SCARB1: variants seen among roughly 807,000 people sequenced by gnomAD.
SCARB1 encodes the protein scavenger receptor class B member 1.
Under a neutral mutation model 57.2 loss-of-function variants are expected in SCARB1, and 30 were observed. The observed-to-expected ratio is 0.52, with a 90% CI of 0.39 to 0.71. The LOEUF (loss-of-function observed/expected upper bound fraction) is 0.71, where lower values mean the gene tolerates loss of function less well. Ranked by LOEUF, SCARB1 falls within the 30% of genes least tolerant of loss-of-function variation. SCARB1 has a pLI of 0.00. For synonymous variants in SCARB1, 249 were observed against 268.3 expected (o/e 0.93, Z 0.70); for missense variants, 543 against 671.2 (o/e 0.81, Z 2.11).
intron 9 of SCARB1, among the ~76,000 whole-genome samples, chr12:124,792,458 C>T (rs982922959): frequency 6.6e-6 from 1 of 151,944 alleles, no homozygotes; most frequent in Non-Finnish European, 1.5e-5. Flanking sequence ...TTAGGCCCAG[C>T]GCAGGGCTCA....
chr12:124,853,199 G>A (rs1023209787), intron 1 of SCARB1, among the ~76,000 whole-genome samples: 27 of 152,124 alleles, frequency 1.8e-4, no homozygotes, highest in African/African-American at 6.3e-4. Flanking sequence ...AGAAAGAAAA[G>A]CACTTCCAAA....
In SCARB1 at chr12:124,789,872, G is replaced by T. The variant is rs892959592; in HGVS notation, c.1203-2415C>A. Among the ~76,000 whole-genome samples the T allele has an allele frequency of 6.6e-6, 1 of 152,016 alleles. No homozygotes were observed. The highest frequency in any genetic ancestry group is 1.5e-5 in the Non-Finnish European group (1 of 68,014). ...CTAAAAATATAAAAATTGGCCGGACGTGGTGGCACATGCCTGTAATCCCAG... is the reference window on the plus strand; with the variant it reads ...CTAAAAATATAAAAATTGGCCGGACTTGGTGGCACATGCCTGTAATCCCAG... On this transcript the variant is annotated intron_variant, in intron 9 of 12. Transcript: ENST00000261693. The surrounding 1 kb of genome is among the most constrained non-coding windows in gnomAD (Gnocchi z 4.4).
chr12:124,847,788 A>G (rs1344440400), intron 1 of SCARB1, among the ~76,000 whole-genome samples: 1 of 152,148 alleles, frequency 6.6e-6, no homozygotes, highest in East Asian at 1.9e-4. Flanking sequence ...CCAGGCTGGG[A>G]GCTGGGGGAG....
At chr12:124,863,096 G>T (rs1347251432) in intron 1 of SCARB1, among the ~76,000 whole-genome samples, 1 of 152,242 alleles carries the variant, frequency 6.6e-6, no homozygotes, top group African/African-American at 2.4e-5. Flanking sequence ...CACCTACCAT[G>T]TGAGCTGGGC....
intron 1 of SCARB1, among the ~76,000 whole-genome samples, chr12:124,831,485 G>T (rs11057839): frequency 0.2 from 30,622 of 152,014 alleles, 3,795 homozygotes; most frequent in African/African-American, 0.35. Context: ...AAGTGGTGTC[G>T]CTAATAAGAG....
In SCARB1 at chr12:124,844,884, C is replaced by A. The variant is rs535536272; in HGVS notation, c.126+18711G>T. On this transcript the variant is annotated intron_variant, in intron 1 of 12. Coordinates refer to ENST00000261693, the MANE Select transcript of SCARB1 (RefSeq NM_005505.5). ...AGACTGGAGTGCAGTGGCACGATCT[C>A]GGCTCACTGCAACCTCTGCCTCCCA... is the stretch of plus-strand genomic sequence containing the variant. 6.0e-5 allele frequency among the ~76,000 whole-genome samples: 9 copies of A among 150,254 alleles called. No homozygotes were observed. In the East Asian group the frequency reaches 1.8e-3, roughly 29 times the overall value.
At chr12:124,819,463 G>A (rs1950866565) in intron 1 of SCARB1, among the ~76,000 whole-genome samples, 1 of 152,232 alleles carries the variant, frequency 6.6e-6, no homozygotes, top group Non-Finnish European at 1.5e-5. Flanking sequence ...AAACACGCCT[G>A]GGGTCCACTT....
chr12:124,810,352 A>G lies in SCARB1; in HGVS notation c.727-63T>C. Reference sequence around the variant, plus strand: ...CCAAGGCCCCTTAATAAGCCCTCTCAGGTGCTGCACACCTAACTCACCCTG... The same window carrying G: ...CCAAGGCCCCTTAATAAGCCCTCTCGGGTGCTGCACACCTAACTCACCCTG... On this transcript the variant is annotated intron_variant, in intron 5 of 12. Transcript: ENST00000261693. The surrounding 1 kb of genome is among the most constrained non-coding windows in gnomAD (Gnocchi z 4.0). 1.7e-6 allele frequency: 2 copies of G among 1,171,880 alleles called. No individual in the cohort carries two copies. Among genetic ancestry groups the G allele is most frequent in the South Asian group, 2.5e-5 (2 of 81,508 alleles). The allele number at this position is 1,171,880 out of a possible 1,614,324, so 72.6% of individuals were successfully genotyped here. A position where few individuals can be genotyped will look rare whatever the true frequency, so the allele number is the denominator to read the frequency against.
intron 4 of SCARB1, among the ~76,000 whole-genome samples, chr12:124,813,665 CTGAG>C (rs1339719688): frequency 6.6e-6 from 1 of 152,184 alleles, no homozygotes; most frequent in Non-Finnish European, 1.5e-5. Context: ...CAAAAACGTA[CTGAG>C]TATCTATCAC....
At chr12:124,790,629 A>G (rs1025658212) in intron 9 of SCARB1, among the ~76,000 whole-genome samples, 1 of 152,212 alleles carries the variant, frequency 6.6e-6, no homozygotes, top group African/African-American at 2.4e-5. Flanking sequence ...GACAGCAGCA[A>G]AAGGAAATGA....
rs1345853889 is a variant in SCARB1 at position 124,832,393 on chromosome 12, A to T, written c.127-14686T>A. Among the ~76,000 whole-genome samples the T allele has an allele frequency of 3.9e-5, 6 of 151,998 alleles. No homozygotes were observed. The South Asian group carries it at 8.3e-4, about 21-fold the overall frequency. On this transcript the variant is annotated intron_variant, in intron 1 of 12. Coordinates refer to ENST00000261693, the MANE Select transcript of SCARB1 (RefSeq NM_005505.5). Reference sequence around the variant, plus strand: ...AAATTAGCCAGGTGTGGTGTCAGGCACCTGTGGTCCCAGCTACTTGGGAGG... The same window carrying T: ...AAATTAGCCAGGTGTGGTGTCAGGCTCCTGTGGTCCCAGCTACTTGGGAGG...
At position 124,815,075 on chromosome 12, in the gene SCARB1, G is replaced by C; in HGVS notation, c.324C>G (p.Asn108Lys). 1 of 1,614,092 alleles carries C rather than the reference G, an allele frequency of 6.2e-7. No homozygotes were observed. Among genetic ancestry groups the C allele is most frequent in the Non-Finnish European group, 8.5e-7 (1 of 1,180,028 alleles). The change falls in exon 3 of 13, where the codon AAC (asparagine) becomes AAG (lysine). Residue 108 changes from asparagine (N) to lysine (K), a missense_variant. Physicochemically the swap from Asn to Lys is moderately conservative, Grantham distance 94. Coordinates refer to ENST00000261693, the MANE Select transcript of SCARB1 (RefSeq NM_005505.5). ...RHKSNITFNN[N>K]DTVSFLEYRT... ...GGTACTCGAGGAAGGACACGGTGTC[G>C]TTGTTGTTGAAGGTGATGTTGCTTT...
Position 124,812,254 on chromosome 12 carries a change from A to T in SCARB1, c.631-289T>A, listed in dbSNP as rs2135667264. 6.6e-6 allele frequency among the ~76,000 whole-genome samples: 1 copy of T among 151,992 alleles called. No individual in the cohort carries two copies. Among genetic ancestry groups the T allele is most frequent in the Middle Eastern group, 3.4e-3 (1 of 292 alleles). ...TGGCAGATCACCCCCACCACACCCTACTCCAGCATAAAATAAAGCATGGCC... is the reference window on the plus strand; with the variant it reads ...TGGCAGATCACCCCCACCACACCCTTCTCCAGCATAAAATAAAGCATGGCC... On this transcript the variant is annotated intron_variant, in intron 4 of 12. Coordinates refer to ENST00000261693, the MANE Select transcript of SCARB1 (RefSeq NM_005505.5). The surrounding 1 kb of genome is among the most constrained non-coding windows in gnomAD (Gnocchi z 4.3).
At chr12:124,786,765 C>T (rs1442225127) in intron 10 of SCARB1, among the ~76,000 whole-genome samples, 5 of 152,236 alleles carry the variant, frequency 3.3e-5, no homozygotes, top group Non-Finnish European at 5.9e-5. Flanking sequence ...CCTCACGTGA[C>T]TCTCCATCTC....
chr12:124,783,975 G>T (rs1012519640), intron 11 of SCARB1: 1 of 152,202 alleles, frequency 6.6e-6, no homozygotes, highest in African/African-American at 2.4e-5. Flanking sequence ...CTGCGGCAGG[G>T]AAAGGGACCC....
At position 124,807,678 on chromosome 12, in the gene SCARB1, G is replaced by A; in HGVS notation, c.1009+83C>T. 1 of 1,328,580 alleles carries A rather than the reference G, an allele frequency of 7.5e-7. No individual in the cohort carries two copies. 82.3% of individuals were successfully genotyped at this position (1,328,580 alleles called of 1,614,324 possible). A position where few individuals can be genotyped will look rare whatever the true frequency, so the allele number is the denominator to read the frequency against. On this transcript the variant is annotated intron_variant, in intron 7 of 12. Transcript: ENST00000261693. The surrounding 1 kb of genome is among the most constrained non-coding windows in gnomAD (Gnocchi z 5.3). Reference sequence around the variant, plus strand: ...CAAGAGTACAGAGGCCAGAGATTAAGCAGACAGCACTGGGCAGATAAACCC... The same window carrying A: ...CAAGAGTACAGAGGCCAGAGATTAAACAGACAGCACTGGGCAGATAAACCC...
chr12:124,801,921 C>T (rs950171401), intron 7 of SCARB1, among the ~76,000 whole-genome samples: 2 of 151,698 alleles, frequency 1.3e-5, no homozygotes, highest in African/African-American at 2.4e-5. Flanking sequence ...GAGGCCGAGG[C>T]GGGTGGACCA....
At chr12:124,860,880 G>C (rs950686786) in intron 1 of SCARB1, among the ~76,000 whole-genome samples, 1 of 152,152 alleles carries the variant, frequency 6.6e-6, no homozygotes, top group South Asian at 2.1e-4. Flanking sequence ...TGGTATCTTT[G>C]AATTGAAAAA....
chr12:124,789,452 G>A lies in SCARB1; in HGVS notation c.1203-1995C>T, dbSNP rs1379968924. Among the ~76,000 whole-genome samples the A allele has an allele frequency of 2.0e-5, 3 of 152,178 alleles. No individual in the cohort carries two copies. The highest frequency in any genetic ancestry group is 4.8e-5 in the African/African-American group (2 of 41,432). On this transcript the variant is annotated intron_variant, in intron 9 of 12. Transcript: ENST00000261693. The surrounding 1 kb of genome is among the most constrained non-coding windows in gnomAD (Gnocchi z 4.4). ...CACCTGGGAAACTGTGACCTGCCAC[G>A]ACGAAGGGGACCGTGCAGACATGAC...
Sources: allele counts gnomAD v4.1 joint callset (sites outside exome capture counted in the v4.1 genomes callset), GRCh38; gene constraint gnomAD v4.1.1; non-coding constraint Gnocchi (gnomAD v3.1); transcripts MANE v1.5; gene names NCBI Gene and HGNC (gene_info 2026-07-23, HGNC 2026-07-21).